The following MEIS1 variants were observed in gnomAD, a reference collection of about 807,000 sequenced individuals.
The protein encoded by MEIS1 is homeobox protein Meis1.
MEIS1 carries 5 observed loss-of-function variants against 50.8 expected under a neutral mutation model. That is an observed-to-expected ratio of 0.10 (90% CI 0.05 to 0.21). MEIS1 has a LOEUF of 0.21. Among genes scored for constraint, MEIS1 ranks in the 10% least tolerant of loss-of-function variants. The pLI, the probability that MEIS1 is intolerant of heterozygous loss-of-function variation, is 1.00. For missense variants in MEIS1, 318 were observed against 517.3 expected (o/e 0.61, Z 3.74); for synonymous variants, 176 against 179.3 (o/e 0.98, Z 0.15).
chr2:66,560,985 A>G (rs1051202789), intron 9 of MEIS1, among the ~76,000 whole-genome samples: 1 of 152,234 alleles, frequency 6.6e-6, no homozygotes, highest in African/African-American at 2.4e-5. Flanking sequence ...TTTCTTGAAT[A>G]TCTTAAAATC....
At position 66,492,069 on chromosome 2, in the gene MEIS1, TTG is replaced by T. The variant is rs139510530; in HGVS notation, c.743-20060_743-20059del. 2.5e-3 allele frequency among the ~76,000 whole-genome samples: 357 copies of T among 144,504 alleles called. 1 individual carries two copies. The highest frequency in any genetic ancestry group is 9.7e-3 in the East Asian group (48 of 4,944). 94.8% of individuals were successfully genotyped at this position (144,504 alleles called of 152,430 possible). ...AAACAGGAAAAGTGTGAGCGTTCAC[TTG>T]TGTGTGTGTGTGTGTGTGTCTGCTT... On this transcript the variant is annotated intron_variant, in intron 7 of 12. Coordinates refer to ENST00000272369, the MANE Select transcript of MEIS1 (RefSeq NM_002398.3).
At chr2:66,524,897 C>G (rs1470809030) in intron 8 of MEIS1, among the ~76,000 whole-genome samples, 1 of 152,132 alleles carries the variant, frequency 6.6e-6, no homozygotes, top group Non-Finnish European at 1.5e-5. Context: ...ATTGAAAATT[C>G]TTTTGCTTCT....
At position 66,446,983 on chromosome 2, in the gene MEIS1, G is replaced by A. The variant is rs13392892; in HGVS notation, c.630+3935G>A. On this transcript the variant is annotated intron_variant, in intron 6 of 12. Coordinates refer to ENST00000272369, the MANE Select transcript of MEIS1 (RefSeq NM_002398.3). ...ATCCTTTAAACTGAGGTAGAACTTT[G>A]ACAGAAAACGCCCTCCTCCGAAGAA... Among the ~76,000 whole-genome samples, 964 of 152,288 alleles carry A rather than the reference G, an allele frequency of 6.3e-3. 16 individuals carry two copies. The highest frequency in any genetic ancestry group is 0.022 in the African/African-American group (930 of 41,546).
intron 6 of MEIS1, among the ~76,000 whole-genome samples, chr2:66,458,867 C>T (rs1213842677): frequency 6.6e-6 from 1 of 152,114 alleles, no homozygotes; most frequent in Non-Finnish European, 1.5e-5. Context: ...TGCCAGGTGA[C>T]AATTTAACAA....
chr2:66,452,597 G>A (rs1027423031), intron 6 of MEIS1, among the ~76,000 whole-genome samples: 1 of 151,918 alleles, frequency 6.6e-6, no homozygotes, highest in South Asian at 2.1e-4. Flanking sequence ...AAGAGAAACA[G>A]GAATTTTACA....
chr2:66,446,897 A>G (rs1329707750), intron 6 of MEIS1, among the ~76,000 whole-genome samples: 1 of 152,240 alleles, frequency 6.6e-6, no homozygotes. Context: ...GGGAACTCTG[A>G]TGGCGATTGT....
chr2:66,531,546 A>T (rs1240009993), intron 8 of MEIS1, among the ~76,000 whole-genome samples: 1 of 152,200 alleles, frequency 6.6e-6, no homozygotes, highest in African/African-American at 2.4e-5. Context: ...GTGTTGGAAA[A>T]CCAACTCCCT....
chr2:66,439,798 G>C, intron 2 of MEIS1, 45 bp from the exon 3 acceptor site: 1 of 1,608,186 alleles, frequency 6.2e-7, no homozygotes, highest in Non-Finnish European at 8.5e-7. Flanking sequence ...CCATTGACTG[G>C]GGACTAACCA....
intron 7 of MEIS1, among the ~76,000 whole-genome samples, chr2:66,505,008 G>T (rs1223708921): frequency 6.6e-6 from 1 of 152,192 alleles, no homozygotes; most frequent in Non-Finnish European, 1.5e-5. Flanking sequence ...GGAGTTAACA[G>T]AATCCTAATT....
chr2:66,456,017 C>G (rs1672378854), intron 6 of MEIS1, among the ~76,000 whole-genome samples: 1 of 152,114 alleles, frequency 6.6e-6, no homozygotes, highest in Non-Finnish European at 1.5e-5. Context: ...TGAAATTACT[C>G]CTTGGAGAAT....
chr2:66,520,337 C>T (rs1178237742), intron 8 of MEIS1, among the ~76,000 whole-genome samples: 1 of 150,558 alleles, frequency 6.6e-6, no homozygotes, highest in Non-Finnish European at 1.5e-5. Context: ...AAAAATTAGC[C>T]GGGCTTGGTG....
chr2:66,508,875 C>G (rs1673750270), intron 7 of MEIS1: 1 of 395,082 alleles, frequency 2.5e-6, no homozygotes, highest in Non-Finnish European at 5.2e-6. Context: ...TATGGACTAG[C>G]ATCATTTTTA....
At chr2:66,445,834 CTCTT>C (rs1672128457) in intron 6 of MEIS1, among the ~76,000 whole-genome samples, 1 of 152,106 alleles carries the variant, frequency 6.6e-6, no homozygotes, top group Admixed American at 6.5e-5. Flanking sequence ...TCTTTCTTCT[CTCTT>C]TCCTATTTAT....
At chr2:66,502,707 G>C (rs181364246) in intron 7 of MEIS1, among the ~76,000 whole-genome samples, 1 of 152,314 alleles carries the variant, frequency 6.6e-6, no homozygotes, top group African/African-American at 2.4e-5. Context: ...GGAGCATGTG[G>C]AAACTCTAGG....
chr2:66,450,561 A>G (rs1378312291), intron 6 of MEIS1, among the ~76,000 whole-genome samples: 1 of 152,226 alleles, frequency 6.6e-6, no homozygotes, highest in Non-Finnish European at 1.5e-5. Context: ...GAGTTTAACA[A>G]ATATTAGCAA....
intron 9 of MEIS1, among the ~76,000 whole-genome samples, chr2:66,560,364 T>A (rs1321833476): frequency 6.6e-6 from 1 of 151,814 alleles, no homozygotes. Flanking sequence ...GGAGGTTGGA[T>A]GGCTTGAGCT....
chr2:66,539,597 A>G (rs1674601335), intron 8 of MEIS1, among the ~76,000 whole-genome samples: 1 of 152,132 alleles, frequency 6.6e-6, no homozygotes, highest in African/African-American at 2.4e-5. Flanking sequence ...CATCTATCAA[A>G]TGGGTCTAGC....
chr2:66,533,796 A>G (rs1674452077), intron 8 of MEIS1, among the ~76,000 whole-genome samples: 1 of 152,132 alleles, frequency 6.6e-6, no homozygotes, highest in Non-Finnish European at 1.5e-5. Flanking sequence ...TCCCTGTGTC[A>G]CTTACAGGCA....
chr2:66,501,316 T>C (rs1673549403), intron 7 of MEIS1, among the ~76,000 whole-genome samples: 1 of 152,084 alleles, frequency 6.6e-6, no homozygotes, highest in Non-Finnish European at 1.5e-5. Flanking sequence ...GATTGGGGGA[T>C]TTCCATTTTA....
Sources: gnomAD v4.1 joint callset for allele counts (sites outside exome capture counted in the v4.1 genomes callset) on GRCh38, gnomAD v4.1.1 for gene constraint, MANE v1.5 for transcripts, NCBI Gene and HGNC (gene_info 2026-07-23, HGNC 2026-07-21) for gene names.